The following ZEB1 variants were observed in gnomAD, a reference collection of about 807,000 sequenced individuals.
ZEB1 encodes zinc finger E-box binding homeobox 1, also known as zinc finger E-box-binding homeobox 1.
Under a neutral mutation model 84.9 loss-of-function variants are expected in ZEB1, and 21 were observed. That is an observed-to-expected ratio of 0.25 (90% CI 0.18 to 0.36). The LOEUF is 0.36. Ranked by LOEUF, ZEB1 falls within the 10% of genes least tolerant of loss-of-function variation. The pLI, the probability that ZEB1 is intolerant of heterozygous loss-of-function variation, is 1.00. For missense variants in ZEB1, 1,104 were observed against 1,330.2 expected, an observed-to-expected ratio of 0.83 and a Z score of 2.65; for synonymous variants, 420 against 471.1, an observed-to-expected ratio of 0.89 and a Z score of 1.41.
chr10:31,473,680 G>C (rs901103869), intron 2 of ZEB1, among the ~76,000 whole-genome samples: 2 of 149,076 alleles, frequency 1.3e-5, no homozygotes, highest in Admixed American at 1.3e-4. Context: ...AGCTACCAAT[G>C]ACTTTCTTCA....
chr10:31,450,866 G>A (rs1208678751), intron 1 of ZEB1, among the ~76,000 whole-genome samples: 1 of 149,886 alleles, frequency 6.7e-6, no homozygotes, highest in Non-Finnish European at 1.5e-5. Context: ...TTTTATTTAG[G>A]ACTGAGCGTG....
rs1021553655 is a variant in ZEB1, at chr10:31,521,578, A to G, written c.2246A>G (p.Glu749Gly). 1.2e-6 allele frequency: 2 copies of G among 1,614,138 alleles called. No individual in the cohort carries two copies. The highest frequency in any genetic ancestry group is 1.7e-6 in the Non-Finnish European group (2 of 1,180,022). Reference protein sequence around the residue: ...SLPKQQGELLERSTITSVYQN... With the variant: ...SLPKQQGELLGRSTITSVYQN... ...CCAAAGCAACAGGGAGAATTATTAG[A>G]AAGGTCAACTATCACTAGTGTTTAC... Residue 749 changes from glutamate (E) to glycine (G), a missense_variant, in exon 7 of 9, where the codon GAA (glutamate) becomes GGA (glycine). Around this residue, in one of 7 missense-constraint regions of ZEB1, gnomAD observed 531 missense variants for 575.2 expected, o/e 0.92. Transcript: ENST00000424869.
intron 2 of ZEB1, among the ~76,000 whole-genome samples, chr10:31,472,251 C>CA (rs1436299608): frequency 6.6e-6 from 1 of 151,816 alleles, no homozygotes; most frequent in Non-Finnish European, 1.5e-5. Context: ...AAAAACCCTT[C>CA]AAAAAATTAA....
intron 2 of ZEB1, among the ~76,000 whole-genome samples, chr10:31,465,079 T>C (rs1423312147): frequency 3.3e-5 from 5 of 152,152 alleles, no homozygotes; most frequent in Non-Finnish European, 7.4e-5. Context: ...AAGAGTATAA[T>C]TGGATTGTTT....
At chr10:31,418,474 CCTTTA>C (rs2055594882) in intron 1 of ZEB1, among the ~76,000 whole-genome samples, 1 of 151,880 alleles carries the variant, frequency 6.6e-6, no homozygotes. Context: ...TTTTTTAAAA[CCTTTA>C]TTTTCTTAAC....
chr10:31,474,191 A>G (rs1312376549), intron 2 of ZEB1, among the ~76,000 whole-genome samples: 2 of 152,172 alleles, frequency 1.3e-5, no homozygotes, highest in African/African-American at 4.8e-5. Context: ...AATGGCAACA[A>G]AAGCCAAAAT....
At chr10:31,415,528 A>G (rs2055070812) in intron 1 of ZEB1, among the ~76,000 whole-genome samples, 1 of 151,338 alleles carries the variant, frequency 6.6e-6, no homozygotes, top group Non-Finnish European at 1.5e-5. Flanking sequence ...TAAAAAAATT[A>G]TAATTTAAAA....
chr10:31,326,191 A>G (rs905308024), intron 1 of ZEB1, among the ~76,000 whole-genome samples: 2 of 152,122 alleles, frequency 1.3e-5, no homozygotes, highest in Non-Finnish European at 2.9e-5. Context: ...TGCCAGGCAG[A>G]TACAGTGACA....
At chr10:31,470,957 C>A (rs1266477550) in intron 2 of ZEB1, among the ~76,000 whole-genome samples, 6 of 135,514 alleles carry the variant, frequency 4.4e-5, no homozygotes, top group African/African-American at 1.4e-4. Context: ...CATATCCAGC[C>A]AAACTAAGCT....
chr10:31,519,618 A>G (rs1223803229), intron 6 of ZEB1, among the ~76,000 whole-genome samples: 1 of 152,236 alleles, frequency 6.6e-6, no homozygotes, highest in Non-Finnish European at 1.5e-5. Flanking sequence ...CATTAGGGAA[A>G]AACTATTTTC....
At chr10:31,481,777 T>C (rs1447387651) in intron 2 of ZEB1, among the ~76,000 whole-genome samples, 2 of 151,996 alleles carry the variant, frequency 1.3e-5, no homozygotes, top group Admixed American at 1.3e-4. Context: ...TAAATAATGA[T>C]AGCATTATTA....
chr10:31,369,796 G>T (rs2045368867), intron 1 of ZEB1, among the ~76,000 whole-genome samples: 1 of 151,910 alleles, frequency 6.6e-6, no homozygotes, highest in Admixed American at 6.6e-5. Context: ...TACCATAATG[G>T]CTGAACTAAT....
rs542594610 is a variant in ZEB1, at chr10:31,371,416, A to G, written c.58+52124A>G. Reference sequence around the variant, plus strand: ...TTTGGTCTTCTCCCAGAGTGAGGACATGAATACTTCCATAGCTATATTCCG... The same window carrying G: ...TTTGGTCTTCTCCCAGAGTGAGGACGTGAATACTTCCATAGCTATATTCCG... On this transcript the variant is annotated intron_variant, in intron 1 of 8. Transcript: ENST00000424869. Among the ~76,000 whole-genome samples the G allele has an allele frequency of 4.6e-5, 7 of 152,358 alleles. No individual in the cohort carries two copies. In the South Asian group the frequency reaches 1.2e-3, roughly 27 times the overall value.
At chr10:31,381,618 G>A (rs2047649364) in intron 1 of ZEB1, 1 of 152,104 alleles carries the variant, frequency 6.6e-6, no homozygotes, top group African/African-American at 2.4e-5. Flanking sequence ...AATATCAAAA[G>A]GTTTTAAAGC....
intron 1 of ZEB1, among the ~76,000 whole-genome samples, chr10:31,397,577 C>A (rs929420448): frequency 6.6e-6 from 1 of 152,158 alleles, no homozygotes; most frequent in African/African-American, 2.4e-5. Context: ...TTACCTGGAT[C>A]ATATTTAATC....
At chr10:31,473,506 C>T (rs1438935381) in intron 2 of ZEB1, among the ~76,000 whole-genome samples, 33 of 151,764 alleles carry the variant, frequency 2.2e-4, no homozygotes, top group African/African-American at 4.1e-4. Flanking sequence ...TTACAAGGGA[C>T]GTGAAGGACC....
At chr10:31,504,519 G>T (rs2068627627) in intron 4 of ZEB1, among the ~76,000 whole-genome samples, 1 of 151,888 alleles carries the variant, frequency 6.6e-6, no homozygotes, top group Admixed American at 6.6e-5. Flanking sequence ...ATAGGGATTG[G>T]ATTGAATCTG....
intron 1 of ZEB1, among the ~76,000 whole-genome samples, chr10:31,377,158 C>T (rs2046787661): frequency 7.1e-6 from 1 of 141,052 alleles, no homozygotes; most frequent in Non-Finnish European, 1.5e-5. Context: ...AAAATTATTT[C>T]AGTACTACAA....
At chr10:31,321,412 G>T in intron 1 of ZEB1, 2 of 1,607,798 alleles carry the variant, frequency 1.2e-6, no homozygotes, top group South Asian at 2.2e-5. Context: ...GTGGAGAGAT[G>T]ACTTGTTATA....
Sources: gnomAD v4.1 joint callset for allele counts (sites outside exome capture counted in the v4.1 genomes callset) on GRCh38, gnomAD v4.1.1 for gene constraint, gnomAD v4.1.1 regional missense constraint, MANE v1.5 for transcripts, NCBI Gene and HGNC (gene_info 2026-07-23, HGNC 2026-07-21) for gene names.